The following ATAD1 variants were observed in gnomAD, a reference collection of about 807,000 sequenced individuals.
The protein encoded by ATAD1 is ATPase family AAA domain containing 1.
A neutral mutation model predicts 42.7 loss-of-function variants in ATAD1; 18 were observed. The observed-to-expected ratio is 0.42, with a 90% CI of 0.29 to 0.63. The LOEUF is 0.63. Among genes scored for constraint, ATAD1 ranks in the 20% least tolerant of loss-of-function variants. ATAD1 has a pLI of 0.19. For synonymous variants in ATAD1, 132 were observed against 143.1 expected (o/e 0.92, Z 0.55); for missense variants, 294 against 440.4 (o/e 0.67, Z 2.98).
intron 1 of ATAD1, among the ~76,000 whole-genome samples, chr10:87,823,874 A>T (rs1857676371): frequency 6.6e-6 from 1 of 152,100 alleles, no homozygotes; most frequent in Non-Finnish European, 1.5e-5. Flanking sequence ...ATCGCATAAA[A>T]CCTTCCTCCT....
intron 8 of ATAD1, among the ~76,000 whole-genome samples, chr10:87,759,539 T>C (rs1854384611): frequency 6.6e-6 from 1 of 152,212 alleles, no homozygotes. Flanking sequence ...CTCCTGTCTT[T>C]TGACCACTCC....
intron 4 of ATAD1, among the ~76,000 whole-genome samples, chr10:87,785,794 C>A (rs1855806938): frequency 6.6e-6 from 1 of 151,614 alleles, no homozygotes; most frequent in Non-Finnish European, 1.5e-5. Flanking sequence ...ACATCAAACA[C>A]TTCAAAATAA....
chr10:87,841,155 A>AT (rs1188326948), intron 1 of ATAD1: 3 of 152,180 alleles, frequency 2.0e-5, no homozygotes, highest in Non-Finnish European at 4.4e-5. Context: ...ACTAGAGCCT[A>AT]TATGAAGTTT....
At chr10:87,823,432 G>A (rs1857667971) in intron 1 of ATAD1, among the ~76,000 whole-genome samples, 1 of 152,122 alleles carries the variant, frequency 6.6e-6, no homozygotes, top group Admixed American at 6.5e-5. Flanking sequence ...AACAAAACCA[G>A]AATTGCTTCA....
chr10:87,823,486 C>T (rs1434550156), intron 1 of ATAD1, among the ~76,000 whole-genome samples: 4 of 152,040 alleles, frequency 2.6e-5, no homozygotes, highest in Non-Finnish European at 4.4e-5. Flanking sequence ...AGTTTTAAGG[C>T]GTAGATGAAA....
At chr10:87,825,222 G>A (rs1337265951) in intron 1 of ATAD1, among the ~76,000 whole-genome samples, 1 of 151,646 alleles carries the variant, frequency 6.6e-6, no homozygotes, top group African/African-American at 2.4e-5. Flanking sequence ...AATTAATTTA[G>A]TAGATGAAAG....
At chr10:87,794,490 C>T (rs575295515) in intron 2 of ATAD1, among the ~76,000 whole-genome samples, 8 of 152,284 alleles carry the variant, frequency 5.3e-5, no homozygotes, top group African/African-American at 1.2e-4. Context: ...TTTTAAGCAA[C>T]GCTCGAAGAC....
At chr10:87,839,252 T>C (rs1259109417) in intron 1 of ATAD1, among the ~76,000 whole-genome samples, 1 of 152,216 alleles carries the variant, frequency 6.6e-6, no homozygotes, top group Non-Finnish European at 1.5e-5. Context: ...CTTGACTAAA[T>C]TTGCCTGATG....
chr10:87,769,046 G>A (rs900998041), intron 7 of ATAD1, among the ~76,000 whole-genome samples: 4 of 152,026 alleles, frequency 2.6e-5, no homozygotes, highest in Admixed American at 6.6e-5. Context: ...ATAATTGTAC[G>A]GCTGACAGAG....
At chr10:87,787,169 T>A (rs1855878614) in intron 4 of ATAD1, among the ~76,000 whole-genome samples, 1 of 152,228 alleles carries the variant, frequency 6.6e-6, no homozygotes, top group Non-Finnish European at 1.5e-5. Context: ...TTAAATTAGT[T>A]CTTTGAGCTT....
intron 5 of ATAD1, among the ~76,000 whole-genome samples, chr10:87,781,964 T>A (rs201232243): frequency 6.7e-6 from 1 of 149,052 alleles, no homozygotes; most frequent in Non-Finnish European, 1.5e-5. Flanking sequence ...TTTTTTTTTT[T>A]AATGGGAACA....
intron 8 of ATAD1, among the ~76,000 whole-genome samples, chr10:87,763,426 G>A (rs1330305260): frequency 6.6e-6 from 1 of 152,128 alleles, no homozygotes; most frequent in Non-Finnish European, 1.5e-5. Flanking sequence ...TGGGAGTCCA[G>A]GGCAGGAGGA....
At chr10:87,797,710 T>G (rs1169159509) in intron 2 of ATAD1, among the ~76,000 whole-genome samples, 2 of 152,046 alleles carry the variant, frequency 1.3e-5, no homozygotes, top group Non-Finnish European at 2.9e-5. Flanking sequence ...GAGCTACAAG[T>G]TAGGGGTGGC....
At chr10:87,754,922 AC>A in intron 9 of ATAD1, 115 bp from the exon 10 acceptor site, 1 of 1,279,910 alleles carries the variant, frequency 7.8e-7, no homozygotes, top group Non-Finnish European at 1.0e-6. Flanking sequence ...TTTGTTTTCA[AC>A]TGTAGAAAAG....
intron 4 of ATAD1, among the ~76,000 whole-genome samples, chr10:87,786,284 C>G (rs905211893): frequency 1.3e-5 from 2 of 152,134 alleles, no homozygotes; most frequent in African/African-American, 4.8e-5. Flanking sequence ...GTTTTTAGAA[C>G]AAAGTATTTA....
chr10:87,786,827 C>T (rs1457850371), intron 4 of ATAD1, among the ~76,000 whole-genome samples: 1 of 151,968 alleles, frequency 6.6e-6, no homozygotes, highest in African/African-American at 2.4e-5. Flanking sequence ...TGGTGGTGCA[C>T]GCCTGTAATC....
intron 6 of ATAD1, among the ~76,000 whole-genome samples, chr10:87,771,604 T>C (rs1396094982): frequency 1.3e-5 from 2 of 152,132 alleles, no homozygotes; most frequent in East Asian, 3.8e-4. Flanking sequence ...AGCTTCTCAA[T>C]GCGAAATAAA....
chr10:87,759,152 C>G (rs973200545), intron 8 of ATAD1, among the ~76,000 whole-genome samples: 2 of 151,864 alleles, frequency 1.3e-5, no homozygotes, highest in Admixed American at 6.6e-5. Context: ...CTCATGTGTC[C>G]TTAAGAAACA....
chr10:87,778,374 T>C (rs1470658739), intron 5 of ATAD1, among the ~76,000 whole-genome samples: 3 of 140,890 alleles, frequency 2.1e-5, no homozygotes, highest in Non-Finnish European at 4.7e-5. Context: ...ATGACACAGG[T>C]TGAGTATCCC....
Sources: gnomAD v4.1 joint callset for allele counts (sites outside exome capture counted in the v4.1 genomes callset) on GRCh38, gnomAD v4.1.1 for gene constraint, MANE v1.5 for transcripts, NCBI Gene and HGNC (gene_info 2026-07-23, HGNC 2026-07-21) for gene names.